Variants in CDC23 observed in about 807,000 individuals in gnomAD.
CDC23 encodes cell division cycle 23, also known as cell division cycle protein 23 homolog.
In CDC23, 26 loss-of-function variants were observed where a neutral mutation model predicts 81.7. The ratio of observed to expected loss-of-function variants is 0.32; its 90% CI spans 0.23 to 0.44. The LOEUF (loss-of-function observed/expected upper bound fraction) is 0.44. Ranked by LOEUF, CDC23 falls within the 20% of genes least tolerant of loss-of-function variation. The pLI is 1.00. For missense variants in CDC23, 519 were observed against 728.0 expected (o/e 0.71, Z 3.30); for synonymous variants, 267 against 270.8 (o/e 0.99, Z 0.14).
intron 3 of CDC23, among the ~76,000 whole-genome samples, chr5:138,204,629 C>CTTTTTTTTTTTT (rs71585106): frequency 3.0e-4 from 45 of 148,426 alleles, no homozygotes; most frequent in African/African-American, 1.0e-3. Flanking sequence ...TCTCTTTTTT[C>CTTTTTTTTTTTT]TTTTTTTGGA....
In CDC23 at chr5:138,191,515, G is replaced by A. The variant is rs766772517; in HGVS notation, c.1383C>T (p.Ala461=). The change falls in exon 13 of 16, where the codon GCC becomes GCT. Residue 461 remains alanine, a synonymous_variant. Coordinates refer to ENST00000394886, the MANE Select transcript of CDC23 (RefSeq NM_004661.4). ...EAKKCYWRAY[A]VGDVEKMALV... ...GAGCCATTTTCTCCACATCTCCCAC[G>A]GCGTAAGCTCTCCAATAACACTGTC... The A allele has an allele frequency of 3.7e-6, 6 of 1,613,928 alleles. No homozygotes were observed. The Admixed American group carries it at 5.0e-5, about 13-fold the overall frequency.
At position 138,213,267 on chromosome 5, in the gene CDC23, C is replaced by A; in HGVS notation, c.46G>T (p.Val16Leu). The A allele has an allele frequency of 6.2e-7, 1 of 1,614,028 alleles. No homozygotes were observed. The highest frequency in any genetic ancestry group is 1.7e-5 in the Admixed American group (1 of 60,012). Residue 16 changes from valine (V) to leucine (L), a missense_variant, in exon 1 of 16, where the codon GTG (valine) becomes TTG (leucine). By Grantham distance (32) the Val-to-Leu change is conservative. Transcript: ENST00000394886. ...SMVPVAVTAA[V>L]APVLSINSDF... is the part of the protein sequence containing the mutation. ...CTGTTTATGGACAGGACAGGCGCCA[C>A]TGCCGCCGTCACAGCCACCGGGACC... is the stretch of plus-strand genomic sequence containing the variant.
rs988807480 is a variant in CDC23 at position 138,198,799 on chromosome 5, G to A, written c.655-17C>T. ...GAACTTCAGCTGGCAGCAGGAGAGA[G>A]AGGGACACACTTAATATAACTTGAC... On this transcript the variant is annotated splice_polypyrimidine_tract_variant and intron_variant, in intron 6 of 15. Transcript: ENST00000394886. The A allele has an allele frequency of 1.9e-6, 3 of 1,611,464 alleles. No homozygotes were observed. Among genetic ancestry groups the A allele is most frequent in the South Asian group, 2.2e-5 (2 of 90,524 alleles).
rs17228367 is a variant in CDC23 at position 138,207,631 on chromosome 5, TA to T, written c.235-948del. Among the ~76,000 whole-genome samples the T allele has an allele frequency of 3.0e-3, 453 of 151,596 alleles. 1 individual carries two copies. Among genetic ancestry groups the T allele is most frequent in the Non-Finnish European group, 5.1e-3 (346 of 67,830 alleles). Reference sequence around the variant, plus strand: ...AGAACACAGCTGTAATTCTCTATGTTAAAAAAAAATTAGATAATGTCACATT... The same window carrying T: ...AGAACACAGCTGTAATTCTCTATGTTAAAAAAAATTAGATAATGTCACATT... On this transcript the variant is annotated intron_variant, in intron 2 of 15. Transcript: ENST00000394886.
At chr5:138,211,377 G>A (rs906347347) in intron 2 of CDC23, among the ~76,000 whole-genome samples, 3 of 152,172 alleles carry the variant, frequency 2.0e-5, no homozygotes, top group Non-Finnish European at 2.9e-5. Context: ...GGGGAAGGAG[G>A]AAAGCAAAGG....
chr5:138,188,791 T>A lies in CDC23; in HGVS notation c.*187A>T. ...GAAGTACTTCTAACTGGCAAGATAA[T>A]GTCTGTTCCTGCCAGGATTCTGTCA... is the stretch of plus-strand genomic sequence containing the variant. On this transcript the variant is annotated 3_prime_UTR_variant, in exon 16 of 16. Coordinates refer to ENST00000394886, the MANE Select transcript of CDC23 (RefSeq NM_004661.4). 1 of 495,240 alleles carries A rather than the reference T, an allele frequency of 2.0e-6. No individual in the cohort carries two copies. Among genetic ancestry groups the A allele is most frequent in the Non-Finnish European group, 3.5e-6 (1 of 283,674 alleles). The allele number at this position is 495,240 out of a possible 1,614,324, so 30.7% of individuals were successfully genotyped here. A position where few individuals can be genotyped will look rare whatever the true frequency, so the allele number is the denominator to read the frequency against.
chr5:138,190,314 C>T (rs750448175), intron 13 of CDC23, among the ~76,000 whole-genome samples: 3 of 151,644 alleles, frequency 2.0e-5, no homozygotes, highest in Non-Finnish European at 2.9e-5. Context: ...AAAAATTAGC[C>T]GGGCGTTGTG....
intron 3 of CDC23, among the ~76,000 whole-genome samples, chr5:138,204,000 T>C: frequency 6.6e-6 from 1 of 152,180 alleles, no homozygotes; most frequent in East Asian, 1.9e-4. Flanking sequence ...TTACTAAAGT[T>C]GATAACTATG....
At chr5:138,211,509 A>G (rs1381127594) in intron 2 of CDC23, among the ~76,000 whole-genome samples, 3 of 152,148 alleles carry the variant, frequency 2.0e-5, no homozygotes, top group African/African-American at 7.2e-5. Context: ...TAAAAATACA[A>G]AAAGTTACCC....
At chr5:138,193,241 T>G (rs1320655239) in intron 9 of CDC23, among the ~76,000 whole-genome samples, 1 of 152,226 alleles carries the variant, frequency 6.6e-6, no homozygotes, top group Non-Finnish European at 1.5e-5. Flanking sequence ...ATATACATTT[T>G]CTTAGATTAT....
chr5:138,198,113 C>T, intron 9 of CDC23, 86 bp downstream of exon 9: 1 of 1,044,094 alleles, frequency 9.6e-7, no homozygotes, highest in African/African-American at 1.6e-5. Context: ...GCACGCACCA[C>T]CATCCCTAGC....
intron 4 of CDC23, among the ~76,000 whole-genome samples, chr5:138,201,873 G>C (rs1164397388): frequency 6.6e-6 from 1 of 152,136 alleles, no homozygotes; most frequent in African/African-American, 2.4e-5. Flanking sequence ...TAAATTTCTA[G>C]CTTCAGGTTG....
At chr5:138,211,104 C>T (rs1755107379) in intron 2 of CDC23, among the ~76,000 whole-genome samples, 1 of 152,154 alleles carries the variant, frequency 6.6e-6, no homozygotes, top group Non-Finnish European at 1.5e-5. Flanking sequence ...ATGGCAAAGA[C>T]ATGGAATCAA....
rs756299222 is a variant in CDC23 at position 138,189,644 on chromosome 5, C to T, written c.1612G>A (p.Ala538Thr). ...EASTCAQKCC[A>T]FNDTREEGKA... Reference sequence around the variant, plus strand: ...GAACTGATACTCACATCATTAAATGCACAACACTTTTGTGCACAAGTTGAA... The same window carrying T: ...GAACTGATACTCACATCATTAAATGTACAACACTTTTGTGCACAAGTTGAA... The change falls in exon 15 of 16, where the codon GCA (alanine) becomes ACA (threonine). Residue 538 changes from alanine (A) to threonine (T), a missense_variant. Around this residue, in one of 4 missense-constraint regions of CDC23, gnomAD observed 175 missense variants for 337.8 expected, o/e 0.52. Transcript: ENST00000394886. 2 of 1,613,002 alleles carry T rather than the reference C, an allele frequency of 1.2e-6. No homozygotes were observed. Among genetic ancestry groups the T allele is most frequent in the African/African-American group, 1.3e-5 (1 of 75,004 alleles).
chr5:138,188,716 C>A lies in CDC23; in HGVS notation c.*262G>T. 2 of 271,676 alleles carry A rather than the reference C, an allele frequency of 7.4e-6. No homozygotes were observed. The highest frequency in any genetic ancestry group is 6.7e-5 in the East Asian group (1 of 15,014). 16.8% of individuals were successfully genotyped at this position (271,676 alleles called of 1,614,324 possible). On this transcript the variant is annotated 3_prime_UTR_variant, in exon 16 of 16. Transcript: ENST00000394886. ...TTGGGGGCCAAAAAAAAAAAGCATT[C>A]AGGGAAGAAGGCCAAGATCTATAGC...
chr5:138,197,370 G>A (rs1476850231), intron 9 of CDC23, among the ~76,000 whole-genome samples: 1 of 147,198 alleles, frequency 6.8e-6, no homozygotes, highest in East Asian at 2.0e-4. Flanking sequence ...AAGTTTAAAT[G>A]TACTAACATG....
intron 13 of CDC23, among the ~76,000 whole-genome samples, chr5:138,190,709 C>A (rs748205116): frequency 6.6e-6 from 1 of 151,956 alleles, no homozygotes; most frequent in Non-Finnish European, 1.5e-5. Context: ...AGGTTGCACT[C>A]TAGCCTCCGT....
intron 9 of CDC23, among the ~76,000 whole-genome samples, chr5:138,196,815 C>T (rs1346128410): frequency 1.4e-5 from 2 of 142,528 alleles, no homozygotes; most frequent in Non-Finnish European, 3.0e-5. Flanking sequence ...CTCCTGACCT[C>T]GTGATCCACC....
intron 11 of CDC23, 81 bp from the exon 12 acceptor site, chr5:138,192,018 T>C: frequency 8.3e-7 from 1 of 1,209,574 alleles, no homozygotes; most frequent in Non-Finnish European, 1.2e-6. Flanking sequence ...ACACCACTAT[T>C]TCAAATCTAT....
Sources: allele counts gnomAD v4.1 joint callset (sites outside exome capture counted in the v4.1 genomes callset), GRCh38; gene constraint gnomAD v4.1.1; regional missense constraint gnomAD v4.1.1; transcripts MANE v1.5; gene names NCBI Gene and HGNC (gene_info 2026-07-23, HGNC 2026-07-21).